ADAMTSL3: variants seen among roughly 807,000 people sequenced by gnomAD.
ADAMTSL3 encodes ADAMTS-like protein 3.
In ADAMTSL3, 128 loss-of-function variants were observed where a neutral mutation model predicts 201.7. That is an observed-to-expected ratio of 0.63 (90% CI 0.55 to 0.73). The LOEUF is 0.73. ADAMTSL3 is among the 30% of genes least tolerant of loss of function. The pLI, the probability that ADAMTSL3 is intolerant of heterozygous loss-of-function variation, is 0.00. For missense variants in ADAMTSL3, 1,990 were observed against 2,119.6 expected (o/e 0.94, Z 1.20); for synonymous variants, 738 against 748.4 (o/e 0.99, Z 0.23).
At chr15:83,687,576 CTT>C (rs2141444420) in intron 2 of ADAMTSL3, among the ~76,000 whole-genome samples, 1 of 152,230 alleles carries the variant, frequency 6.6e-6, no homozygotes, top group East Asian at 1.9e-4. Context: ...CCTCTGTCCT[CTT>C]TTGCTTGCAA....
In ADAMTSL3 at chr15:83,804,630, T is replaced by A; in HGVS notation, c.318-20T>A. 1.3e-6 allele frequency: 2 copies of A among 1,492,050 alleles called. No individual in the cohort carries two copies. The highest frequency in any genetic ancestry group is 1.8e-6 in the Non-Finnish European group (2 of 1,093,098). 92.4% of individuals were successfully genotyped at this position (1,492,050 alleles called of 1,614,324 possible). Reference sequence around the variant, plus strand: ...CTATGAAATCATTATTTCTTCTTTCTTCTTTCTTTTTTCCTTTAGGAATTG... The same window carrying A: ...CTATGAAATCATTATTTCTTCTTTCATCTTTCTTTTTTCCTTTAGGAATTG... On this transcript the variant is annotated intron_variant, in intron 4 of 29. Coordinates refer to ENST00000286744, the MANE Select transcript of ADAMTSL3 (RefSeq NM_207517.3).
chr15:83,742,528 A>G (rs1411446111), intron 3 of ADAMTSL3, among the ~76,000 whole-genome samples: 2 of 152,234 alleles, frequency 1.3e-5, no homozygotes, highest in African/African-American at 2.4e-5. Context: ...AAACCTAGTC[A>G]TTTGGGAACA....
At chr15:83,754,143 A>G (rs1485577442) in intron 3 of ADAMTSL3, among the ~76,000 whole-genome samples, 1 of 152,194 alleles carries the variant, frequency 6.6e-6, no homozygotes, top group East Asian at 1.9e-4. Flanking sequence ...TAATGCCAGT[A>G]GCACCTCCCT....
At chr15:83,726,797 T>G (rs947809481) in intron 3 of ADAMTSL3, among the ~76,000 whole-genome samples, 1 of 152,050 alleles carries the variant, frequency 6.6e-6, no homozygotes, top group South Asian at 2.1e-4. Context: ...AGTTTGCTAG[T>G]ATTTTGTTGA....
intron 13 of ADAMTSL3, among the ~76,000 whole-genome samples, chr15:83,893,099 C>T (rs2065543855): frequency 6.6e-6 from 1 of 151,980 alleles, no homozygotes. Flanking sequence ...ATATTAAGGA[C>T]ATTAATAATA....
At chr15:83,964,118 C>T (rs1368697510) in intron 19 of ADAMTSL3, among the ~76,000 whole-genome samples, 1 of 152,084 alleles carries the variant, frequency 6.6e-6, no homozygotes, top group Non-Finnish European at 1.5e-5. Flanking sequence ...ACCTCTTCAC[C>T]TGCAAAGTGT....
intron 7 of ADAMTSL3, among the ~76,000 whole-genome samples, chr15:83,846,278 G>T (rs2064496217): frequency 6.6e-6 from 1 of 152,216 alleles, no homozygotes; most frequent in Non-Finnish European, 1.5e-5. Context: ...ACCCTGCAAG[G>T]TAGGTACTAC....
chr15:83,735,887 C>CTACTTGAATCTAAT (rs2062362810), intron 3 of ADAMTSL3, among the ~76,000 whole-genome samples: 1 of 152,084 alleles, frequency 6.6e-6, no homozygotes, highest in South Asian at 2.1e-4. Flanking sequence ...CCAGTCTCTG[C>CTACTTGAATCTAAT]TACTTGAATC....
intron 19 of ADAMTSL3, among the ~76,000 whole-genome samples, chr15:83,962,885 G>A (rs980017179): frequency 2.6e-5 from 4 of 152,198 alleles, no homozygotes; most frequent in African/African-American, 9.7e-5. Context: ...AGCATGGTGG[G>A]GTGTCTCCTT....
intron 6 of ADAMTSL3, among the ~76,000 whole-genome samples, chr15:83,820,419 C>A (rs1354571646): frequency 6.6e-6 from 1 of 152,130 alleles, no homozygotes; most frequent in East Asian, 1.9e-4. Context: ...ATCAGAGTCA[C>A]CTGGAGGGCT....
chr15:83,793,807 A>G (rs1012785845), intron 4 of ADAMTSL3, among the ~76,000 whole-genome samples: 4 of 152,136 alleles, frequency 2.6e-5, no homozygotes, highest in African/African-American at 9.7e-5. Context: ...AGTGGGAGGA[A>G]TCAGCTTACT....
rs147603847 is a variant in ADAMTSL3, at chr15:84,008,607, C to CT, written c.3974-5934dup. On this transcript the variant is annotated intron_variant, in intron 23 of 29. Coordinates refer to ENST00000286744, the MANE Select transcript of ADAMTSL3 (RefSeq NM_207517.3). ...TCAGTCCTCAGACGTTTTCTCTTCTCTATATATACTCTCTCCCTATTGGTC... is the reference window on the plus strand; with the variant it reads ...TCAGTCCTCAGACGTTTTCTCTTCTCTTATATATACTCTCTCCCTATTGGTC... Among the ~76,000 whole-genome samples the CT allele has an allele frequency of 8.0e-3, 1,215 of 152,214 alleles. 12 individuals carry two copies. The highest frequency in any genetic ancestry group is 0.026 in the African/African-American group (1,076 of 41,516).
At chr15:83,752,370 C>T (rs2062650041) in intron 3 of ADAMTSL3, among the ~76,000 whole-genome samples, 1 of 151,996 alleles carries the variant, frequency 6.6e-6, no homozygotes, top group South Asian at 2.1e-4. Context: ...AAAAAAATCC[C>T]ATACTGGATA....
chr15:83,924,077 G>T lies in ADAMTSL3; in HGVS notation c.2117+44G>T, dbSNP rs199664342. 22 of 1,606,776 alleles carry T rather than the reference G, an allele frequency of 1.4e-5. No individual in the cohort carries two copies. The African/African-American group carries it at 2.5e-4, about 19-fold the overall frequency. On this transcript the variant is annotated intron_variant, in intron 17 of 29. Coordinates refer to ENST00000286744, the MANE Select transcript of ADAMTSL3 (RefSeq NM_207517.3). Reference sequence around the variant, plus strand: ...TCCTGGTATATACCGTGTCCGGGTGGTAACACCCTCCCTGCAGAGAAACCC... The same window carrying T: ...TCCTGGTATATACCGTGTCCGGGTGTTAACACCCTCCCTGCAGAGAAACCC...
intron 2 of ADAMTSL3, among the ~76,000 whole-genome samples, chr15:83,689,176 A>G (rs1259635385): frequency 6.6e-6 from 1 of 152,182 alleles, no homozygotes; most frequent in Non-Finnish European, 1.5e-5. Flanking sequence ...ATAACGTGAT[A>G]TTTAAAGGAA....
chr15:84,009,705 T>C (rs1008576277), intron 23 of ADAMTSL3, among the ~76,000 whole-genome samples: 6 of 152,222 alleles, frequency 3.9e-5, no homozygotes, highest in African/African-American at 7.2e-5. Flanking sequence ...CAACTAGAGT[T>C]GGTGAAAAGG....
intron 27 of ADAMTSL3, among the ~76,000 whole-genome samples, chr15:84,028,512 T>C (rs1453232324): frequency 6.6e-6 from 1 of 152,192 alleles, no homozygotes; most frequent in Admixed American, 6.5e-5. Context: ...AATGTCAAAA[T>C]TTTAAAATTT....
intron 13 of ADAMTSL3, among the ~76,000 whole-genome samples, chr15:83,897,580 G>A (rs1010323626): frequency 2.0e-5 from 3 of 152,140 alleles, no homozygotes; most frequent in African/African-American, 7.2e-5. Context: ...TGATATTTGA[G>A]CAGTAAGATT....
At chr15:83,992,189 G>A (rs1003893054) in intron 23 of ADAMTSL3, among the ~76,000 whole-genome samples, 11 of 152,132 alleles carry the variant, frequency 7.2e-5, no homozygotes, top group Non-Finnish European at 1.3e-4. Context: ...AATGCAGTGA[G>A]GGTGCATGTA....
Sources: gnomAD v4.1 joint callset for allele counts (sites outside exome capture counted in the v4.1 genomes callset) on GRCh38, gnomAD v4.1.1 for gene constraint, MANE v1.5 for transcripts, NCBI Gene and HGNC (gene_info 2026-07-23, HGNC 2026-07-21) for gene names.